HTR4: variants seen among roughly 807,000 people sequenced by gnomAD.
HTR4 encodes 5-hydroxytryptamine receptor 4, also known as 5-hydroxytryptamine (serotonin) receptor 4, G protein-coupled.
HTR4 carries 16 observed loss-of-function variants against 36.8 expected under a neutral mutation model. The observed-to-expected ratio is 0.43, with a 90% confidence interval of 0.29 to 0.66. HTR4 has a LOEUF of 0.66. HTR4 is among the 30% of genes least tolerant of loss of function. The pLI, the probability that HTR4 is intolerant of heterozygous loss-of-function variation, is 0.13. For missense variants in HTR4, 438 were observed against 490.9 expected (o/e 0.89, Z 1.02); for synonymous variants, 189 against 185.1 (o/e 1.02, Z -0.17).
At chr5:148,560,204 T>TAA (rs1561619834) in intron 2 of HTR4, among the ~76,000 whole-genome samples, 10 of 125,030 alleles carry the variant, frequency 8.0e-5, no homozygotes, top group African/African-American at 3.5e-4. Context: ...AGCTTTTTTT[T>TAA]TAAAAAAAAA....
At chr5:148,573,602 C>T (rs1181625648) in intron 2 of HTR4, among the ~76,000 whole-genome samples, 1 of 152,054 alleles carries the variant, frequency 6.6e-6, no homozygotes, top group Non-Finnish European at 1.5e-5. Flanking sequence ...CAGAAAGACT[C>T]ACCCAACTAT....
Position 148,509,995 on chromosome 5 carries a change from A to C in HTR4, c.537T>G (p.Ser179=). 1 of 1,613,330 alleles carries C rather than the reference A, an allele frequency of 6.2e-7. No homozygotes were observed. Among genetic ancestry groups the C allele is most frequent in the Non-Finnish European group, 8.5e-7 (1 of 1,179,636 alleles). ...LIEKRKFNQN[S]NSTYCVFMVN... is the part of the protein sequence containing the mutation. ...CCATGAAGACACAGTACGTAGAGTTAGAGTTCTGGTTGAACTTCCTCTTTT... is the reference window on the plus strand; with the variant it reads ...CCATGAAGACACAGTACGTAGAGTTCGAGTTCTGGTTGAACTTCCTCTTTT... The change falls in exon 6 of 7, where the codon TCT becomes TCG. Residue 179 remains serine (S), a synonymous_variant. Transcript: ENST00000377888.
At chr5:148,540,642 A>T (rs1463541646) in intron 4 of HTR4, among the ~76,000 whole-genome samples, 1 of 151,840 alleles carries the variant, frequency 6.6e-6, no homozygotes, top group Non-Finnish European at 1.5e-5. Flanking sequence ...ATTAGTTTAC[A>T]ATAAAAATGT....
intron 2 of HTR4, among the ~76,000 whole-genome samples, chr5:148,590,420 C>A (rs1171482931): frequency 4.0e-5 from 6 of 151,214 alleles, no homozygotes; most frequent in Non-Finnish European, 8.8e-5. Context: ...CCTCAGCCTC[C>A]CATATAGCTG....
intron 5 of HTR4, among the ~76,000 whole-genome samples, chr5:148,464,925 C>T (rs1755385021): frequency 6.6e-6 from 1 of 152,048 alleles, no homozygotes; most frequent in Non-Finnish European, 1.5e-5. Flanking sequence ...CATGAACAGA[C>T]ATGGAGGAAT....
intron 2 of HTR4, among the ~76,000 whole-genome samples, chr5:148,604,303 C>T (rs1336678910): frequency 6.6e-6 from 1 of 151,800 alleles, no homozygotes; most frequent in East Asian, 1.9e-4. Flanking sequence ...GAGGTCATAA[C>T]AATATGAAGA....
At chr5:148,577,260 C>T (rs1461626850) in intron 2 of HTR4, among the ~76,000 whole-genome samples, 1 of 152,012 alleles carries the variant, frequency 6.6e-6, no homozygotes, top group African/African-American at 2.4e-5. Context: ...ATTAAAACCA[C>T]AATGATATAC....
chr5:148,585,739 A>G (rs1297457873), intron 2 of HTR4, among the ~76,000 whole-genome samples: 1 of 152,146 alleles, frequency 6.6e-6, no homozygotes, highest in Non-Finnish European at 1.5e-5. Context: ...CTATATCCTG[A>G]AATTCCTGAT....
chr5:148,522,272 A>T (rs1432914), intron 5 of HTR4, among the ~76,000 whole-genome samples: 26,011 of 152,128 alleles, frequency 0.17, 3,830 homozygotes, highest in African/African-American at 0.39. Context: ...CAGTGTAAAA[A>T]TGGACTAGTA....
chr5:148,454,623 A>G (rs1051196329), intron 5 of HTR4, among the ~76,000 whole-genome samples: 7 of 152,180 alleles, frequency 4.6e-5, no homozygotes, highest in African/African-American at 1.4e-4. Context: ...CTTCTCCCTT[A>G]TCAGAATCAC....
intron 2 of HTR4, among the ~76,000 whole-genome samples, chr5:148,561,668 C>T (rs1011169407): frequency 1.3e-5 from 2 of 151,896 alleles, no homozygotes; most frequent in Admixed American, 1.3e-4. Flanking sequence ...ATACACTCAC[C>T]AGGCACAGAA....
At chr5:148,560,484 A>G (rs1173381134) in intron 2 of HTR4, among the ~76,000 whole-genome samples, 4 of 152,162 alleles carry the variant, frequency 2.6e-5, no homozygotes, top group African/African-American at 9.7e-5. Flanking sequence ...CTGACCTAGA[A>G]CCTTACAAGG....
In HTR4 at chr5:148,520,170, C is replaced by T. The variant is rs542568988; in HGVS notation, c.507+3023G>A. ...CAATGACTTTATAGAATTTAATTGC[C>T]GCCAACAACATGACCATGTGGATTG... On this transcript the variant is annotated intron_variant, in intron 5 of 6. Transcript: ENST00000377888. 5.9e-5 allele frequency among the ~76,000 whole-genome samples: 9 copies of T among 152,170 alleles called. 1 individual carries two copies. The highest frequency in any genetic ancestry group is 3.9e-4 in the Admixed American group (6 of 15,280).
intron 1 of HTR4, among the ~76,000 whole-genome samples, chr5:148,648,961 C>T (rs1753952840): frequency 6.6e-6 from 1 of 152,096 alleles, no homozygotes; most frequent in African/African-American, 2.4e-5. Context: ...TTCAATAAAT[C>T]CTAATTTTTT....
intron 1 of HTR4, 24 bp downstream of exon 1, chr5:148,654,038 C>T (rs1351629097): frequency 1.0e-6 from 1 of 985,082 alleles, no homozygotes; most frequent in African/African-American, 1.7e-5. Flanking sequence ...GGGTCCCGAC[C>T]CCCGGCGCAC....
At chr5:148,567,521 G>C (rs1303190971) in intron 2 of HTR4, among the ~76,000 whole-genome samples, 2 of 151,950 alleles carry the variant, frequency 1.3e-5, no homozygotes, top group African/African-American at 2.4e-5. Flanking sequence ...ACCGAGACTT[G>C]GTAGAATATA....
rs781780161 is a variant in HTR4 at position 148,576,110 on chromosome 5, C to CAAAAAAA, written c.27-25855_27-25849dup. 1.7e-3 allele frequency among the ~76,000 whole-genome samples: 55 copies of CAAAAAAA among 32,672 alleles called. 7 individuals carry two copies. The highest frequency in any genetic ancestry group is 2.9e-3 in the African/African-American group (22 of 7,500). 21.4% of individuals were successfully genotyped at this position (32,672 alleles called of 152,430 possible). On this transcript the variant is annotated intron_variant, in intron 2 of 6. Coordinates refer to ENST00000377888, the MANE Select transcript of HTR4 (RefSeq NM_000870.7). ...TGGGCGACAGAGCGAGACTCCGTCTCAAAAAAAAAAAAAAAAAAAAAAACA... is the reference window on the plus strand; with the variant it reads ...TGGGCGACAGAGCGAGACTCCGTCTCAAAAAAAAAAAAAAAAAAAAAAAAAAAAAACA...
chr5:148,565,298 T>A lies in HTR4; in HGVS notation c.27-15036A>T, dbSNP rs987347794. ...CAATGTAGCAAGAAACTAAGCCTGA[T>A]CAATGACTGATCATTATGAGAGCAT... On this transcript the variant is annotated intron_variant, in intron 2 of 6. Coordinates refer to ENST00000377888, the MANE Select transcript of HTR4 (RefSeq NM_000870.7). Among the ~76,000 whole-genome samples the A allele has an allele frequency of 6.6e-5, 10 of 152,210 alleles. No individual in the cohort carries two copies. In the East Asian group the frequency reaches 9.7e-4, roughly 15 times the overall value.
At chr5:148,460,115 G>GA (rs577425045) in intron 5 of HTR4, among the ~76,000 whole-genome samples, 69 of 145,970 alleles carry the variant, frequency 4.7e-4, no homozygotes, top group Non-Finnish European at 8.5e-4. Context: ...AAAAAAGACA[G>GA]AAAAAAAATA....
Sources: allele counts gnomAD v4.1 joint callset (sites outside exome capture counted in the v4.1 genomes callset), GRCh38; gene constraint gnomAD v4.1.1; transcripts MANE v1.5; gene names NCBI Gene and HGNC (gene_info 2026-07-23, HGNC 2026-07-21).